GALNT10: variants seen among roughly 807,000 people sequenced by gnomAD.
The protein encoded by GALNT10 is polypeptide N-acetylgalactosaminyltransferase 10.
GALNT10 carries 41 observed loss-of-function variants against 75.0 expected under a neutral mutation model. That is an observed-to-expected ratio of 0.55 (90% CI 0.43 to 0.71). The LOEUF (loss-of-function observed/expected upper bound fraction) is 0.71. Ranked by LOEUF, GALNT10 falls within the 30% of genes least tolerant of loss-of-function variation. The pLI, the probability that GALNT10 is intolerant of heterozygous loss-of-function variation, is 0.00. For synonymous variants in GALNT10, 302 were observed against 313.0 expected (o/e 0.96, Z 0.37); for missense variants, 727 against 818.5 (o/e 0.89, Z 1.36).
chr5:154,295,374 A>T (rs186996190), intron 2 of GALNT10, among the ~76,000 whole-genome samples: 5 of 152,090 alleles, frequency 3.3e-5, no homozygotes, highest in Non-Finnish European at 7.4e-5. Flanking sequence ...ATCAACCTTT[A>T]TGGCCCATTT....
chr5:154,389,786 A>G (rs954498193), intron 7 of GALNT10, among the ~76,000 whole-genome samples: 2 of 152,012 alleles, frequency 1.3e-5, no homozygotes, highest in African/African-American at 4.8e-5. Flanking sequence ...ATATATTCCA[A>G]TTTTATTAAA....
chr5:154,205,293 A>G (rs1581917602), intron 1 of GALNT10, among the ~76,000 whole-genome samples: 2 of 152,226 alleles, frequency 1.3e-5, no homozygotes, highest in East Asian at 3.8e-4. Context: ...CATTGGTGGT[A>G]TCTCTGGATG....
At position 154,245,476 on chromosome 5, in the gene GALNT10, G is replaced by A. The variant is rs540253556; in HGVS notation, c.160-49340G>A. Among the ~76,000 whole-genome samples, 13 of 152,068 alleles carry A rather than the reference G, an allele frequency of 8.5e-5. No homozygotes were observed. The South Asian group carries it at 2.7e-3, about 32-fold the overall frequency. On this transcript the variant is annotated intron_variant, in intron 1 of 11. Coordinates refer to ENST00000297107, the MANE Select transcript of GALNT10 (RefSeq NM_198321.4). ...ACAGCTGAGAAAACTAGCTCAGAAA[G>A]GTTCAAACTTGTCCTCAGGTCACAG... is the stretch of plus-strand genomic sequence containing the variant.
chr5:154,251,248 C>G (rs1023456821), intron 1 of GALNT10, among the ~76,000 whole-genome samples: 2 of 152,070 alleles, frequency 1.3e-5, no homozygotes, highest in Non-Finnish European at 2.9e-5. Context: ...ATACCAGTCA[C>G]TCTTTTCATT....
chr5:154,367,876 A>G (rs1353144704), intron 4 of GALNT10, among the ~76,000 whole-genome samples: 1 of 151,168 alleles, frequency 6.6e-6, no homozygotes, highest in Non-Finnish European at 1.5e-5. Flanking sequence ...AAAAAAAGAG[A>G]GAGACTCAGT....
intron 6 of GALNT10, among the ~76,000 whole-genome samples, chr5:154,381,122 C>T (rs138166059): frequency 2.5e-4 from 38 of 152,298 alleles, no homozygotes; most frequent in African/African-American, 7.7e-4. Flanking sequence ...GTCTGTCTGC[C>T]TCTGGAGCCA....
intron 4 of GALNT10, among the ~76,000 whole-genome samples, chr5:154,347,970 T>C (rs1755153880): frequency 6.6e-6 from 1 of 152,218 alleles, no homozygotes; most frequent in South Asian, 2.1e-4. Flanking sequence ...ATTGAAGGTT[T>C]ATTATCTGCT....
In GALNT10 at chr5:154,417,480, T is replaced by A. The variant is rs1582024006; in HGVS notation, c.*508T>A. On this transcript the variant is annotated 3_prime_UTR_variant, in exon 12 of 12. Transcript: ENST00000297107. The stretch of plus-strand genomic sequence containing the variant: ...TCTTGGGGCTTTTTAGTTTCTGCCG[T>A]CCTGGGGGGAACATTGCAGTTACTG... The A allele has an allele frequency of 6.4e-6, 1 of 156,646 alleles. No homozygotes were observed. The highest frequency in any genetic ancestry group is 1.9e-4 in the East Asian group (1 of 5,240). 9.7% of individuals were successfully genotyped at this position (156,646 alleles called of 1,614,324 possible).
At chr5:154,197,781 G>A (rs1168163951) in intron 1 of GALNT10, among the ~76,000 whole-genome samples, 1 of 152,206 alleles carries the variant, frequency 6.6e-6, no homozygotes, top group Admixed American at 6.5e-5. Flanking sequence ...TCCTTTACCT[G>A]TACATCTGTT....
At chr5:154,375,310 A>T (rs1352223988) in intron 4 of GALNT10, among the ~76,000 whole-genome samples, 1 of 152,208 alleles carries the variant, frequency 6.6e-6, no homozygotes, top group Non-Finnish European at 1.5e-5. Context: ...GTCATTAAAT[A>T]TGATGTATGC....
chr5:154,343,937 G>A (rs764218594), intron 4 of GALNT10, among the ~76,000 whole-genome samples: 10 of 152,134 alleles, frequency 6.6e-5, no homozygotes, highest in Non-Finnish European at 1.3e-4. Flanking sequence ...TCACTGGCTC[G>A]GGTTTGCTGC....
chr5:154,269,791 G>A (rs1581948252), intron 1 of GALNT10, among the ~76,000 whole-genome samples: 1 of 152,242 alleles, frequency 6.6e-6, no homozygotes, highest in Non-Finnish European at 1.5e-5. Flanking sequence ...CTTCGGAAGG[G>A]AATTAGGGGC....
chr5:154,396,220 G>GAATGAATGAATA (rs1293892905), intron 7 of GALNT10, among the ~76,000 whole-genome samples: 3 of 152,100 alleles, frequency 2.0e-5, no homozygotes, highest in African/African-American at 7.2e-5. Flanking sequence ...ATGAATGAAT[G>GAATGAATGAATA]AATGAATGAA....
chr5:154,380,450 C>G lies in GALNT10; in HGVS notation c.757C>G (p.Arg253Gly). 1 of 1,612,374 alleles carries G rather than the reference C, an allele frequency of 6.2e-7. No individual in the cohort carries two copies. Among genetic ancestry groups the G allele is most frequent in the East Asian group, 2.2e-5 (1 of 44,842 alleles). Residue 253 changes from arginine (R) to glycine (G), a missense_variant and splice_region_variant, in exon 6 of 12, where the codon CGC becomes GGC. By Grantham distance (125) the Arg-to-Gly change is moderately radical. Coordinates refer to ENST00000297107, the MANE Select transcript of GALNT10 (RefSeq NM_198321.4). Reference sequence around the variant, plus strand: ...TAGGCATCTCTTGGCTTCTTCAGACCGCATTGCTCGGAACCGCAAGACCAT... The same window carrying G: ...TAGGCATCTCTTGGCTTCTTCAGACGGCATTGCTCGGAACCGCAAGACCAT... ...NVNWLPPLLD[R>G]IARNRKTIVC...
At position 154,412,205 on chromosome 5, in the gene GALNT10, T is replaced by C. The variant is rs1756411694; in HGVS notation, c.1387-684T>C. Among the ~76,000 whole-genome samples, 1 of 152,066 alleles carries C rather than the reference T, an allele frequency of 6.6e-6. No homozygotes were observed. Among genetic ancestry groups the C allele is most frequent in the African/African-American group, 2.4e-5 (1 of 41,382 alleles). On this transcript the variant is annotated intron_variant, in intron 9 of 11. Transcript: ENST00000297107. The surrounding 1 kb of genome is among the most constrained non-coding windows in gnomAD (Gnocchi z 4.2). The stretch of plus-strand genomic sequence containing the variant: ...TAAAGTAGGATTGATATCTGTAAGG[T>C]TGGAACTACATGATGTGACGCTATG...
rs1193736124 is a variant in GALNT10 at position 154,412,732 on chromosome 5, C to T, written c.1387-157C>T. 6 of 682,348 alleles carry T rather than the reference C, an allele frequency of 8.8e-6. No homozygotes were observed. The African/African-American group carries it at 1.1e-4, about 12-fold the overall frequency. The allele number at this position is 682,348 out of a possible 1,614,324, so 42.3% of individuals were successfully genotyped here. On this transcript the variant is annotated intron_variant, in intron 9 of 11. Transcript: ENST00000297107. This position sits in a 1 kb window ranked among gnomAD's most constrained non-coding sequence, Gnocchi z 4.2. Reference sequence around the variant, plus strand: ...CTGAGTCTTCCTTCATTGAGAGGCTCAAGGTACTTCCAACAGCCCAGGGCA... The same window carrying T: ...CTGAGTCTTCCTTCATTGAGAGGCTTAAGGTACTTCCAACAGCCCAGGGCA...
chr5:154,280,759 G>C (rs1754028078), intron 1 of GALNT10, among the ~76,000 whole-genome samples: 1 of 151,996 alleles, frequency 6.6e-6, no homozygotes, highest in Non-Finnish European at 1.5e-5. Context: ...TTATAGTTTT[G>C]GCTCTTACAC....
intron 4 of GALNT10, among the ~76,000 whole-genome samples, chr5:154,332,298 T>G (rs530395574): frequency 1.3e-5 from 2 of 152,296 alleles, no homozygotes; most frequent in South Asian, 4.2e-4. Flanking sequence ...GTTGTACTCC[T>G]TCTCAGGGCC....
chr5:154,288,162 C>G (rs1231420056), intron 1 of GALNT10, among the ~76,000 whole-genome samples: 6 of 152,190 alleles, frequency 3.9e-5, no homozygotes, highest in Admixed American at 2.6e-4. Flanking sequence ...AAGCAGATGA[C>G]CTGCTCAGCT....
Sources: gnomAD v4.1 joint callset for allele counts (sites outside exome capture counted in the v4.1 genomes callset) on GRCh38, gnomAD v4.1.1 for gene constraint, Gnocchi (gnomAD v3.1) non-coding constraint, MANE v1.5 for transcripts, NCBI Gene and HGNC (gene_info 2026-07-23, HGNC 2026-07-21) for gene names.